Variants in CLIP1 observed in about 807,000 individuals in gnomAD.
CLIP1 encodes CAP-Gly domain containing linker protein 1.
Under a neutral mutation model 161.6 loss-of-function variants are expected in CLIP1, and 66 were observed. The observed-to-expected ratio is 0.41, with a 90% confidence interval of 0.33 to 0.50. The LOEUF (loss-of-function observed/expected upper bound fraction) is 0.50. CLIP1 is among the 20% of genes least tolerant of loss of function. The probability of loss-of-function intolerance (pLI) is 0.27; values close to 1 mark genes in which losing one functional copy is unlikely to be tolerated. For synonymous variants in CLIP1, 598 were observed against 626.2 expected, an observed-to-expected ratio of 0.96 and a Z score of 0.67; for missense variants, 1,376 against 1,702.0, an observed-to-expected ratio of 0.81 and a Z score of 3.37.
intron 1 of CLIP1, among the ~76,000 whole-genome samples, chr12:122,383,007 T>C (rs1244837468): frequency 2.0e-5 from 3 of 152,176 alleles, no homozygotes; most frequent in Non-Finnish European, 2.9e-5. Flanking sequence ...TATTTGTTCC[T>C]GCTGCTGCCT....
chr12:122,272,868 G>A lies in CLIP1; in HGVS notation c.*7C>T, dbSNP rs774481578. The A allele has an allele frequency of 3.7e-6, 6 of 1,613,612 alleles. No homozygotes were observed. Among genetic ancestry groups the A allele is most frequent in the African/African-American group, 1.3e-5 (1 of 74,934 alleles). Reference sequence around the variant, plus strand: ...TGAGCAAGCCCAGTTCTCCACTGGAGGCTTCATCAGAAGGTTTCGTCGTCA... The same window carrying A: ...TGAGCAAGCCCAGTTCTCCACTGGAAGCTTCATCAGAAGGTTTCGTCGTCA... On this transcript the variant is annotated 3_prime_UTR_variant, in exon 26 of 26. Coordinates refer to ENST00000620786, the MANE Select transcript of CLIP1 (RefSeq NM_001247997.2).
Position 122,333,007 on chromosome 12 carries a change from A to T in CLIP1, c.2847T>A (p.Asp949Glu), listed in dbSNP as rs984738597. 3.1e-6 allele frequency: 5 copies of T among 1,613,510 alleles called. No individual in the cohort carries two copies. The highest frequency in any genetic ancestry group is 4.2e-6 in the Non-Finnish European group (5 of 1,179,814). The change falls in exon 15 of 26, where the codon GAT (aspartate) becomes GAA (glutamate). Residue 949 changes from aspartate (D) to glutamate (E), a missense_variant. Physicochemically the swap from Asp to Glu is conservative, Grantham distance 45. This residue lies in a region of CLIP1 where 948 missense variants were observed against 1,134.8 expected (regional missense o/e 0.84). Coordinates refer to ENST00000620786, the MANE Select transcript of CLIP1 (RefSeq NM_001247997.2). Reference sequence around the variant, plus strand: ...TATACCTTTCTTTCAGACGTAATTCATCGTTCATTTTTGTCAGCTGAGAAG... The same window carrying T: ...TATACCTTTCTTTCAGACGTAATTCTTCGTTCATTTTTGTCAGCTGAGAAG... The part of the protein sequence containing the change: ...DNSSQLTKMN[D>E]ELRLKERDVE...
chr12:122,314,025 G>A (rs1951167441), intron 19 of CLIP1, among the ~76,000 whole-genome samples: 1 of 152,124 alleles, frequency 6.6e-6, no homozygotes, highest in Admixed American at 6.5e-5. Context: ...AGGCGCAGTG[G>A]CTCACAGCTG....
chr12:122,366,251 G>C (rs1282540626), intron 3 of CLIP1, among the ~76,000 whole-genome samples: 1 of 150,646 alleles, frequency 6.6e-6, no homozygotes, highest in Non-Finnish European at 1.5e-5. Context: ...AGGTTGCAAT[G>C]ATCCAAGATC....
Position 122,330,597 on chromosome 12 carries a change from G to GTTTTTTTTTTTTTTTTTT in CLIP1, c.2868-2189_2868-2172dup, listed in dbSNP as rs71082966. On this transcript the variant is annotated intron_variant, in intron 15 of 25. Coordinates refer to ENST00000620786, the MANE Select transcript of CLIP1 (RefSeq NM_001247997.2). ...TTCAGCACTGAAGAAGTATAATGCA[G>GTTTTTTTTTTTTTTTTTT]TTTTTTTTTTTTTTTTTTTTGAGAT... Among the ~76,000 whole-genome samples, 31 of 101,402 alleles carry GTTTTTTTTTTTTTTTTTT rather than the reference G, an allele frequency of 3.1e-4. 2 individuals carry two copies. The highest frequency in any genetic ancestry group is 1.2e-3 in the African/African-American group (28 of 22,766). 66.5% of individuals were successfully genotyped at this position (101,402 alleles called of 152,430 possible).
At chr12:122,352,585 C>T in intron 8 of CLIP1, 141 bp downstream of exon 8, 1 of 726,226 alleles carries the variant, frequency 1.4e-6, no homozygotes, top group Admixed American at 2.2e-5. Flanking sequence ...GGCACCGTCA[C>T]CACAAAGCCA....
At chr12:122,305,635 G>A (rs1950836236) in intron 20 of CLIP1, among the ~76,000 whole-genome samples, 1 of 152,182 alleles carries the variant, frequency 6.6e-6, no homozygotes, top group Non-Finnish European at 1.5e-5. Context: ...GATTGAGGAT[G>A]CAAAGTACTG....
intron 19 of CLIP1, among the ~76,000 whole-genome samples, chr12:122,312,891 C>T (rs1191307505): frequency 1.3e-5 from 2 of 152,282 alleles, no homozygotes; most frequent in South Asian, 2.1e-4. Flanking sequence ...CGTTAAACCA[C>T]GGAAGAAGTA....
chr12:122,274,503 C>T, intron 24 of CLIP1: 1 of 160,008 alleles, frequency 6.2e-6, no homozygotes, highest in Non-Finnish European at 1.4e-5. Context: ...TTGAATGTTT[C>T]TAGGTATAAC....
At chr12:122,326,384 C>T (rs993294032) in intron 17 of CLIP1, among the ~76,000 whole-genome samples, 8 of 151,990 alleles carry the variant, frequency 5.3e-5, no homozygotes, top group African/African-American at 1.5e-4. Context: ...GCAACCCCAG[C>T]GCCTTGTGAG....
chr12:122,312,881 C>T (rs978195612), intron 19 of CLIP1, among the ~76,000 whole-genome samples: 1 of 152,188 alleles, frequency 6.6e-6, no homozygotes. Context: ...ACCCCATACA[C>T]GTTAAACCAC....
chr12:122,297,389 T>G (rs931790183), intron 20 of CLIP1, among the ~76,000 whole-genome samples: 6 of 152,170 alleles, frequency 3.9e-5, no homozygotes, highest in Admixed American at 3.3e-4. Context: ...TGATCTCCCC[T>G]ATTTTTGGAA....
rs1258847725 is a variant in CLIP1 at position 122,403,505 on chromosome 12, T to G, written c.-107+19016A>C. Reference sequence around the variant, plus strand: ...AGACATCATTTCTTGTTTTGTTTTTTTTTTTTTTTTTTTTGGTCTGTTTGT... The same window carrying G: ...AGACATCATTTCTTGTTTTGTTTTTGTTTTTTTTTTTTTTGGTCTGTTTGT... On this transcript the variant is annotated intron_variant, in intron 1 of 25. Transcript: ENST00000620786. 2.0e-3 allele frequency among the ~76,000 whole-genome samples: 293 copies of G among 149,604 alleles called. 2 individuals are homozygous for G. Among genetic ancestry groups the G allele is most frequent in the African/African-American group, 3.9e-3 (158 of 40,960 alleles).
intron 19 of CLIP1, among the ~76,000 whole-genome samples, chr12:122,314,534 T>C (rs1951190516): frequency 6.6e-6 from 1 of 152,106 alleles, no homozygotes; most frequent in Non-Finnish European, 1.5e-5. Flanking sequence ...TGGAATTTTA[T>C]CTAAACCCCA....
At chr12:122,347,585 C>A in intron 9 of CLIP1, 106 bp from the exon 10 acceptor site, 2 of 809,058 alleles carry the variant, frequency 2.5e-6, no homozygotes, top group South Asian at 1.4e-5. Context: ...TACCTTCTGC[C>A]AAAGGGTGAA....
At chr12:122,345,227 T>C (rs1277831049) in intron 10 of CLIP1, among the ~76,000 whole-genome samples, 2 of 151,108 alleles carry the variant, frequency 1.3e-5, no homozygotes, top group Non-Finnish European at 1.5e-5. Flanking sequence ...CAGGCTGGAG[T>C]GCAGAGACAT....
chr12:122,402,803 A>G (rs1278057711), intron 1 of CLIP1, among the ~76,000 whole-genome samples: 1 of 152,186 alleles, frequency 6.6e-6, no homozygotes, highest in Non-Finnish European at 1.5e-5. Flanking sequence ...TCTGTCTCAA[A>G]AAACAAATAT....
chr12:122,320,244 C>T lies in CLIP1; in HGVS notation c.3250-896G>A, dbSNP rs189700341. ...ATTGCGCCACTGCACTCCAGCCTGG[C>T]GACACAGCGAGACTCCGTCTCAAAA... is the stretch of plus-strand genomic sequence containing the variant. On this transcript the variant is annotated intron_variant, in intron 17 of 25. Coordinates refer to ENST00000620786, the MANE Select transcript of CLIP1 (RefSeq NM_001247997.2). Among the ~76,000 whole-genome samples, 19 of 140,058 alleles carry T rather than the reference C, an allele frequency of 1.4e-4. No individual in the cohort carries two copies. In the East Asian group the frequency reaches 2.6e-3, roughly 19 times the overall value. The allele number at this position is 140,058 out of a possible 152,430, so 91.9% of individuals were successfully genotyped here. A position where few individuals can be genotyped will look rare whatever the true frequency, so the allele number is the denominator to read the frequency against.
In CLIP1 at chr12:122,272,957, C is replaced by G. The variant is rs779798650; in HGVS notation, c.4235G>C (p.Arg1412Pro). The change falls in exon 26 of 26, where the codon CGG becomes CCG. Residue 1412 changes from arginine (R) to proline (P), a missense_variant. Physicochemically the swap from Arg to Pro is moderately radical, Grantham distance 103. This residue lies in a region of CLIP1 where 948 missense variants were observed against 1,134.8 expected (regional missense o/e 0.84). Coordinates refer to ENST00000620786, the MANE Select transcript of CLIP1 (RefSeq NM_001247997.2). ...TTCACAGTATGGGCGTTCCTCACCC[C>G]GACTGCCATGGTGTGTGGAATGGGG... is the stretch of plus-strand genomic sequence containing the variant. ...DPPHSTHHGS[R>P]GEERPYCEIC... 1.2e-6 allele frequency: 2 copies of G among 1,614,146 alleles called. No homozygotes were observed. The highest frequency in any genetic ancestry group is 2.2e-5 in the South Asian group (2 of 91,082).
Sources: gnomAD v4.1 joint callset for allele counts (sites outside exome capture counted in the v4.1 genomes callset) on GRCh38, gnomAD v4.1.1 for gene constraint, gnomAD v4.1.1 regional missense constraint, MANE v1.5 for transcripts, NCBI Gene and HGNC (gene_info 2026-07-23, HGNC 2026-07-21) for gene names.